Variants in ASIC2 observed in about 807,000 individuals in gnomAD.
The protein encoded by ASIC2 is acid-sensing ion channel 2.
ASIC2 carries 25 observed loss-of-function variants against 57.3 expected under a neutral mutation model. That is an observed-to-expected ratio of 0.44 (90% CI 0.32 to 0.61). The LOEUF is 0.61. ASIC2 is among the 20% of genes least tolerant of loss of function. The probability of loss-of-function intolerance (pLI) is 0.06; values close to 1 mark genes in which losing one functional copy is unlikely to be tolerated. For missense variants in ASIC2, 641 were observed against 738.1 expected (o/e 0.87, Z 1.52); for synonymous variants, 319 against 307.5 (o/e 1.04, Z -0.39).
intron 1 of ASIC2, among the ~76,000 whole-genome samples, chr17:33,800,517 C>T (rs960780880): frequency 5.9e-5 from 9 of 152,258 alleles, no homozygotes; most frequent in East Asian, 1.9e-4. Context: ...TATCCACTTA[C>T]GGAGGAGCAG....
At chr17:33,310,796 A>C (rs996350069) in intron 1 of ASIC2, among the ~76,000 whole-genome samples, 1 of 152,266 alleles carries the variant, frequency 6.6e-6, no homozygotes, top group Admixed American at 6.5e-5. Context: ...CAGGAGGAAA[A>C]CTTTTCTTAT....
chr17:33,625,131 C>G (rs1905934309), intron 1 of ASIC2, among the ~76,000 whole-genome samples: 1 of 91,126 alleles, frequency 1.1e-5, no homozygotes, highest in South Asian at 3.4e-4. Flanking sequence ...GCCTCTCTGT[C>G]TATCTATCTA....
intron 1 of ASIC2, among the ~76,000 whole-genome samples, chr17:33,751,603 C>T (rs1223671453): frequency 1.3e-5 from 2 of 151,992 alleles, no homozygotes; most frequent in African/African-American, 4.8e-5. Context: ...TGTATATAAA[C>T]ACGGATACGT....
intron 1 of ASIC2, among the ~76,000 whole-genome samples, chr17:33,760,520 ATGTG>A (rs141652333): frequency 1.3e-5 from 2 of 150,726 alleles, no homozygotes; most frequent in East Asian, 3.9e-4. Flanking sequence ...AAAGCTATAT[ATGTG>A]TGTGTGTGTG....
At chr17:33,871,504 G>A (rs564850393) in intron 1 of ASIC2, among the ~76,000 whole-genome samples, 2 of 152,236 alleles carry the variant, frequency 1.3e-5, no homozygotes, top group East Asian at 3.9e-4. Context: ...GAAGGTCCTG[G>A]CGGGCAGGGA....
intron 1 of ASIC2, among the ~76,000 whole-genome samples, chr17:33,694,968 G>A (rs529231183): frequency 4.6e-5 from 7 of 152,238 alleles, no homozygotes; most frequent in African/African-American, 1.4e-4. Flanking sequence ...TACTACTGAC[G>A]GATGTGTCAC....
intron 1 of ASIC2, among the ~76,000 whole-genome samples, chr17:34,083,776 T>C (rs1482131803): frequency 2.0e-5 from 3 of 152,232 alleles, no homozygotes. Context: ...TGGCCAGTGA[T>C]GGTGAGCATT....
At chr17:33,312,867 C>T (rs141879333) in intron 1 of ASIC2, among the ~76,000 whole-genome samples, 57 of 152,188 alleles carry the variant, frequency 3.7e-4, no homozygotes, top group Non-Finnish European at 5.9e-4. Context: ...ACCCAGGAGG[C>T]GGAGGTTGCA....
chr17:33,925,039 T>C (rs1915795621), intron 1 of ASIC2, among the ~76,000 whole-genome samples: 1 of 152,226 alleles, frequency 6.6e-6, no homozygotes, highest in Non-Finnish European at 1.5e-5. Context: ...TCAGGGCCAG[T>C]GTACCCAGGG....
intron 1 of ASIC2, among the ~76,000 whole-genome samples, chr17:33,337,324 T>A (rs917874342): frequency 1.3e-5 from 2 of 152,220 alleles, no homozygotes; most frequent in Non-Finnish European, 1.5e-5. Context: ...CATCAGCTCA[T>A]TGATCCTCAC....
chr17:33,890,167 C>T (rs1215337323), intron 1 of ASIC2, among the ~76,000 whole-genome samples: 4 of 152,186 alleles, frequency 2.6e-5, no homozygotes, highest in Non-Finnish European at 4.4e-5. Context: ...CAATGGCCAC[C>T]TGTGGCTAGT....
intron 1 of ASIC2, among the ~76,000 whole-genome samples, chr17:33,387,087 C>T (rs929529591): frequency 3.9e-5 from 6 of 152,020 alleles, no homozygotes; most frequent in African/African-American, 7.3e-5. Context: ...GGGGTTTCAC[C>T]ATGTTGGCCA....
At chr17:33,834,479 A>G (rs1913212066) in intron 1 of ASIC2, 1 of 152,206 alleles carries the variant, frequency 6.6e-6, no homozygotes, top group East Asian at 1.9e-4. Flanking sequence ...TCTCATGTGA[A>G]TCACGACAGA....
At chr17:33,316,512 T>C (rs1906657502) in intron 1 of ASIC2, among the ~76,000 whole-genome samples, 2 of 152,332 alleles carry the variant, frequency 1.3e-5, no homozygotes, top group African/African-American at 4.8e-5. Flanking sequence ...GGTCTTGAAC[T>C]CCTGACCTCA....
chr17:33,250,951 G>T (rs1337282853), intron 1 of ASIC2, among the ~76,000 whole-genome samples: 1 of 152,192 alleles, frequency 6.6e-6, no homozygotes, highest in Non-Finnish European at 1.5e-5. Flanking sequence ...ACATATTTAT[G>T]TGTATACTTT....
At chr17:33,531,148 A>C (rs1035933556) in intron 1 of ASIC2, among the ~76,000 whole-genome samples, 1 of 152,134 alleles carries the variant, frequency 6.6e-6, no homozygotes, top group Non-Finnish European at 1.5e-5. Context: ...GGCCTCGATC[A>C]GTAGAAAGAG....
At chr17:33,425,319 T>C (rs1911179895) in intron 1 of ASIC2, among the ~76,000 whole-genome samples, 1 of 152,092 alleles carries the variant, frequency 6.6e-6, no homozygotes, top group Admixed American at 6.5e-5. Flanking sequence ...AGGAGAAAAA[T>C]GGAAAACAAC....
At chr17:34,053,267 C>T (rs1908637020) in intron 1 of ASIC2, among the ~76,000 whole-genome samples, 1 of 152,188 alleles carries the variant, frequency 6.6e-6, no homozygotes, top group Admixed American at 6.5e-5. Context: ...CGTCCACAGG[C>T]ATTTTACACA....
chr17:34,117,468 G>C (rs1470268093), intron 1 of ASIC2, among the ~76,000 whole-genome samples: 1 of 152,202 alleles, frequency 6.6e-6, no homozygotes, highest in Admixed American at 6.5e-5. Context: ...GAAAGACTGA[G>C]AGTCATGGAT....
Sources: gnomAD v4.1 joint callset for allele counts (sites outside exome capture counted in the v4.1 genomes callset) on GRCh38, gnomAD v4.1.1 for gene constraint, MANE v1.5 for transcripts, NCBI Gene and HGNC (gene_info 2026-07-23, HGNC 2026-07-21) for gene names.